The following INPP4B variants were observed in gnomAD, a reference collection of about 807,000 sequenced individuals.
The protein encoded by INPP4B is inositol polyphosphate-4-phosphatase type II B.
INPP4B carries 55 observed loss-of-function variants against 122.5 expected under a neutral mutation model. The ratio of observed to expected loss-of-function variants is 0.45; its 90% CI spans 0.36 to 0.56. INPP4B has a LOEUF of 0.56. Ranked by LOEUF, INPP4B falls within the 20% of genes least tolerant of loss-of-function variation. The pLI, the probability that INPP4B is intolerant of heterozygous loss-of-function variation, is 0.00. For missense variants in INPP4B, 1,000 were observed against 1,097.7 expected (o/e 0.91, Z 1.26); for synonymous variants, 403 against 388.7 (o/e 1.04, Z -0.43).
intron 1 of INPP4B, among the ~76,000 whole-genome samples, chr4:142,760,350 G>A (rs563561194): frequency 1.3e-5 from 2 of 152,220 alleles, no homozygotes; most frequent in African/African-American, 2.4e-5. Context: ...GAGATTCAGA[G>A]AGGAAACTAA....
intron 25 of INPP4B, chr4:142,030,410 A>G: frequency 1.1e-6 from 1 of 889,706 alleles, no homozygotes; most frequent in Non-Finnish European, 1.7e-6. Flanking sequence ...ATCTTACATA[A>G]CACAACTCTT....
intron 1 of INPP4B, among the ~76,000 whole-genome samples, chr4:142,797,313 C>T (rs1173027149): frequency 6.6e-6 from 1 of 151,910 alleles, no homozygotes; most frequent in African/African-American, 2.4e-5. Flanking sequence ...GTTCTACTGC[C>T]TTTTGAAACA....
At chr4:142,780,791 C>A (rs1774689272) in intron 1 of INPP4B, among the ~76,000 whole-genome samples, 2 of 152,170 alleles carry the variant, frequency 1.3e-5, no homozygotes, top group South Asian at 4.2e-4. Context: ...GAGTGAAACA[C>A]CGTCTCGAAA....
intron 1 of INPP4B, among the ~76,000 whole-genome samples, chr4:142,773,082 A>G (rs1381382010): frequency 1.3e-5 from 2 of 152,100 alleles, no homozygotes; most frequent in African/African-American, 4.8e-5. Flanking sequence ...ATAAAGACAC[A>G]ATCTAACAGT....
chr4:142,751,673 G>A (rs1006150248), intron 1 of INPP4B, among the ~76,000 whole-genome samples: 4 of 152,008 alleles, frequency 2.6e-5, no homozygotes, highest in African/African-American at 9.7e-5. Context: ...GCTTCTGCCT[G>A]GAGTATATGG....
At chr4:142,206,490 C>T (rs1051581437) in intron 14 of INPP4B, among the ~76,000 whole-genome samples, 1 of 151,544 alleles carries the variant, frequency 6.6e-6, no homozygotes, top group African/African-American at 2.4e-5. Context: ...TTTAAACTTG[C>T]AAATCAGCTG....
At chr4:142,082,372 C>T (rs1010000843) in intron 24 of INPP4B, among the ~76,000 whole-genome samples, 187 bp from the exon 25 acceptor site, 6 of 152,116 alleles carry the variant, frequency 3.9e-5, no homozygotes, top group East Asian at 1.9e-4. Context: ...CAAAAGCCAA[C>T]ACAATGGACC....
chr4:142,123,444 T>G (rs1308126296), intron 19 of INPP4B, 29 bp from the exon 20 acceptor site: 1 of 1,602,020 alleles, frequency 6.2e-7, no homozygotes, highest in African/African-American at 1.3e-5. Context: ...TGAGATTTAC[T>G]GCAGTTAGCA....
chr4:142,387,544 A>T lies in INPP4B; in HGVS notation c.372+15394T>A, dbSNP rs374838084. Reference sequence around the variant, plus strand: ...TGTTGCGTTTGGCCTCCAAGGTTATATAGTGTGGCAAGCAGGGTTAGGTCA... The same window carrying T: ...TGTTGCGTTTGGCCTCCAAGGTTATTTAGTGTGGCAAGCAGGGTTAGGTCA... On this transcript the variant is annotated intron_variant, in intron 7 of 25. Coordinates refer to ENST00000262992, the MANE Select transcript of INPP4B (RefSeq NM_001101669.3). Among the ~76,000 whole-genome samples, 10 of 152,188 alleles carry T rather than the reference A, an allele frequency of 6.6e-5. No homozygotes were observed. The East Asian group carries it at 1.5e-3, about 24-fold the overall frequency.
At chr4:142,812,471 A>G (rs1255999218) in intron 1 of INPP4B, among the ~76,000 whole-genome samples, 1 of 152,176 alleles carries the variant, frequency 6.6e-6, no homozygotes, top group African/African-American at 2.4e-5. Context: ...TAATAAATAT[A>G]GCTGTTTAAC....
chr4:142,120,794 T>C (rs532848789), intron 21 of INPP4B, among the ~76,000 whole-genome samples: 13 of 152,216 alleles, frequency 8.5e-5, no homozygotes, highest in African/African-American at 3.1e-4. Context: ...CAATGTTCAC[T>C]AGTTTCTCAC....
chr4:142,452,026 T>A (rs1443196301), intron 3 of INPP4B, among the ~76,000 whole-genome samples: 3 of 152,084 alleles, frequency 2.0e-5, no homozygotes, highest in Non-Finnish European at 4.4e-5. Flanking sequence ...TTACATTAGG[T>A]ATTTCTCCTA....
chr4:142,794,804 C>A (rs1035143427), intron 1 of INPP4B, among the ~76,000 whole-genome samples: 8 of 151,648 alleles, frequency 5.3e-5, no homozygotes, highest in African/African-American at 1.2e-4. Context: ...AATAAAAAAA[C>A]CCCAAAATTT....
chr4:142,631,285 T>C (rs747292948), intron 2 of INPP4B, among the ~76,000 whole-genome samples: 2 of 152,108 alleles, frequency 1.3e-5, no homozygotes, highest in African/African-American at 4.8e-5. Context: ...CTAGTAAGTA[T>C]GATAATTAAA....
chr4:142,777,038 T>G (rs569575259), intron 1 of INPP4B, among the ~76,000 whole-genome samples: 1 of 152,314 alleles, frequency 6.6e-6, no homozygotes, highest in African/African-American at 2.4e-5. Context: ...CCCTGCTGCC[T>G]TCTTTACACT....
intron 15 of INPP4B, among the ~76,000 whole-genome samples, chr4:142,175,138 A>T (rs1229311567): frequency 6.6e-6 from 1 of 152,138 alleles, no homozygotes; most frequent in African/African-American, 2.4e-5. Context: ...ATTATACCCA[A>T]ATGTCAAGAC....
intron 12 of INPP4B, among the ~76,000 whole-genome samples, chr4:142,209,452 A>G (rs888157898): frequency 6.6e-6 from 1 of 152,070 alleles, no homozygotes; most frequent in Non-Finnish European, 1.5e-5. Flanking sequence ...TGAGATACTT[A>G]GTCAATTCAG....
chr4:142,791,990 A>G (rs2151066745), intron 1 of INPP4B, among the ~76,000 whole-genome samples: 1 of 152,242 alleles, frequency 6.6e-6, no homozygotes, highest in African/African-American at 2.4e-5. Flanking sequence ...CCAAGAGAGA[A>G]TTGTTTAAAG....
intron 1 of INPP4B, among the ~76,000 whole-genome samples, chr4:142,812,451 T>G (rs1483759730): frequency 6.6e-6 from 1 of 152,188 alleles, no homozygotes; most frequent in African/African-American, 2.4e-5. Flanking sequence ...GAAAATAGTA[T>G]TGTGCATTTT....
Sources: gnomAD v4.1 joint callset for allele counts (sites outside exome capture counted in the v4.1 genomes callset) on GRCh38, gnomAD v4.1.1 for gene constraint, MANE v1.5 for transcripts, NCBI Gene and HGNC (gene_info 2026-07-23, HGNC 2026-07-21) for gene names.